DUS1L: variants seen among roughly 807,000 people sequenced by gnomAD.
DUS1L encodes dihydrouridine synthase 1 like.
A neutral mutation model predicts 61.2 loss-of-function variants in DUS1L; 56 were observed. The ratio of observed to expected loss-of-function variants is 0.92; its 90% CI spans 0.74 to 1.14. DUS1L has a LOEUF of 1.14. Ranked by LOEUF, DUS1L falls within the 50% of genes most tolerant of loss-of-function variation. The pLI, the probability that DUS1L is intolerant of heterozygous loss-of-function variation, is 0.00. For missense variants in DUS1L, 630 were observed against 632.4 expected (o/e 1.00, Z 0.04); for synonymous variants, 278 against 259.5 (o/e 1.07, Z -0.69).
chr17:82,060,345 C>T (rs1482246114), intron 10 of DUS1L: 11 of 595,840 alleles, frequency 1.8e-5, no homozygotes, highest in South Asian at 6.6e-5. Context: ...GCTGTGGCCA[C>T]GGATGGCCTC....
rs1442609133 is a variant in DUS1L at position 82,058,828 on chromosome 17, G to C, written c.1169-10C>G. 2 of 1,611,470 alleles carry C rather than the reference G, an allele frequency of 1.2e-6. No individual in the cohort carries two copies. The highest frequency in any genetic ancestry group is 1.7e-5 in the Admixed American group (1 of 60,024). The stretch of plus-strand genomic sequence containing the variant: ...CACTTTGCATATTTTGCTAGGAAAA[G>C]AACAAAAGGGTGCTGGTGAGTGAGG... On this transcript the variant is annotated splice_polypyrimidine_tract_variant and intron_variant, in intron 11 of 13. Transcript: ENST00000306796.
chr17:82,061,096 C>A, intron 8 of DUS1L, 113 bp downstream of exon 8: 1 of 1,541,952 alleles, frequency 6.5e-7, no homozygotes, highest in African/African-American at 1.4e-5. Flanking sequence ...CCCTCAAGAC[C>A]TGACTTAGCA....
chr17:82,060,532 G>A (rs2033431189), intron 10 of DUS1L, 169 bp downstream of exon 10: 11 of 803,524 alleles, frequency 1.4e-5, no homozygotes, highest in Admixed American at 2.8e-5. Flanking sequence ...CGAGGGGCAC[G>A]TGGAAGGTGT....
At chr17:82,058,601 C>T (rs2087198468) in intron 12 of DUS1L, 180 bp downstream of exon 12, 3 of 1,471,266 alleles carry the variant, frequency 2.0e-6, no homozygotes, top group Non-Finnish European at 2.7e-6. Context: ...TCTTCCCCTC[C>T]AGGCCTGGGC....
At chr17:82,060,632 G>A in intron 10 of DUS1L, 69 bp downstream of exon 10, 1 of 1,555,560 alleles carries the variant, frequency 6.4e-7, no homozygotes, top group Non-Finnish European at 8.7e-7. Context: ...GGCAGGCGCA[G>A]CACTGTGGGC....
chr17:82,058,405 A>C lies in DUS1L; in HGVS notation c.1218T>G (p.Cys406Trp). ...AGCAGCCGCGGCACAGGCTGAACACACATCTGTTGCCCTGGGCACAGGAAA... is the reference window on the plus strand; with the variant it reads ...AGCAGCCGCGGCACAGGCTGAACACCCATCTGTTGCCCTGGGCACAGGAAA... The part of the protein sequence containing the change: ...DQCGNPKGNR[C>W]VFSLCRGCCK... The change falls in exon 13 of 14, where the codon TGT becomes TGG. Residue 406 changes from cysteine to tryptophan, a missense_variant. By Grantham distance (215) the Cys-to-Trp change is radical. Coordinates refer to ENST00000306796, the MANE Select transcript of DUS1L (RefSeq NM_022156.5). The C allele has an allele frequency of 6.7e-7, 1 of 1,491,472 alleles. No homozygotes were observed. The highest frequency in any genetic ancestry group is 8.9e-7 in the Non-Finnish European group (1 of 1,118,830). 92.4% of individuals were successfully genotyped at this position (1,491,472 alleles called of 1,614,324 possible). A position where few individuals can be genotyped will look rare whatever the true frequency, so the allele number is the denominator to read the frequency against.
intron 5 of DUS1L, 127 bp from the exon 6 acceptor site, chr17:82,062,110 G>T: frequency 1.2e-6 from 1 of 811,194 alleles, no homozygotes; most frequent in Non-Finnish European, 1.9e-6. Flanking sequence ...TCCCAGCCCT[G>T]TGCCCCATGC....
rs1290648446 is a variant in DUS1L, at chr17:82,060,914, G to T, written c.890C>A (p.Thr297Asn). 2 of 1,611,288 alleles carry T rather than the reference G, an allele frequency of 1.2e-6. No homozygotes were observed. The highest frequency in any genetic ancestry group is 1.7e-5 in the Admixed American group (1 of 60,010). The change falls in exon 9 of 14, where the codon ACC becomes AAC. Residue 297 changes from threonine (T) to asparagine (N), a missense_variant. Physicochemically the swap from Thr to Asn is moderately conservative, Grantham distance 65 (BLOSUM62 0). Coordinates refer to ENST00000306796, the MANE Select transcript of DUS1L (RefSeq NM_022156.5). ...ELREELAKVKTLEGIAAVSQE... is the reference protein window; with the variant it reads ...ELREELAKVKNLEGIAAVSQE... The stretch of plus-strand genomic sequence containing the variant: ...GCTCACAGCAGCGATGCCCTCCAGG[G>T]TCTTCACCTTGGCCAGCTCCTCTCG...
At position 82,058,414 on chromosome 17, in the gene DUS1L, G is replaced by A. The variant is rs753464381; in HGVS notation, c.1209C>T (p.Gly403=). The change falls in exon 13 of 14, where the codon GGC becomes GGT. Residue 403 remains glycine, a splice_region_variant and synonymous_variant. Coordinates refer to ENST00000306796, the MANE Select transcript of DUS1L (RefSeq NM_022156.5). ...AKCDQCGNPK[G]NRCVFSLCRG... ...GGCACAGGCTGAACACACATCTGTT[G>A]CCCTGGGCACAGGAAATCTCGGGAG... 4.4e-5 allele frequency: 65 copies of A among 1,488,056 alleles called. No individual in the cohort carries two copies. The Admixed American group carries it at 5.4e-4, about 12-fold the overall frequency. 92.2% of individuals were successfully genotyped at this position (1,488,056 alleles called of 1,614,324 possible). A position where few individuals can be genotyped will look rare whatever the true frequency, so the allele number is the denominator to read the frequency against.
chr17:82,058,521 G>C (rs750451136), intron 12 of DUS1L, 105 bp from the exon 13 acceptor site: 1 of 1,465,158 alleles, frequency 6.8e-7, no homozygotes, highest in Admixed American at 2.4e-5. Context: ...AGATGCCCAC[G>C]GCCTGGATGC....
intron 8 of DUS1L, 55 bp downstream of exon 8, chr17:82,061,154 C>A: frequency 6.4e-7 from 1 of 1,557,842 alleles, no homozygotes; most frequent in South Asian, 1.2e-5. Flanking sequence ...TGGGGTCTGA[C>A]GGAATCTGCC....
At chr17:82,063,171 G>T in intron 4 of DUS1L, 198 bp from the exon 5 acceptor site, 1 of 636,158 alleles carries the variant, frequency 1.6e-6, no homozygotes, top group Non-Finnish European at 2.7e-6. Context: ...GCCCTCCGAA[G>T]TTCAAACAAG....
In DUS1L at chr17:82,057,606, C is replaced by T; in HGVS notation, c.*509G>A. 3.8e-6 allele frequency: 1 copy of T among 265,280 alleles called. No homozygotes were observed. The highest frequency in any genetic ancestry group is 7.5e-6 in the Non-Finnish European group (1 of 132,656). 16.4% of individuals were successfully genotyped at this position (265,280 alleles called of 1,614,324 possible). ...AAATGAGAAGCCTGGCCCTCAGATT[C>T]AACAGCCCCCAGCAGCAGCCACTGT... On this transcript the variant is annotated 3_prime_UTR_variant, in exon 14 of 14. Coordinates refer to ENST00000306796, the MANE Select transcript of DUS1L (RefSeq NM_022156.5).
Position 82,057,796 on chromosome 17 carries a change from G to T in DUS1L, c.*319C>A. On this transcript the variant is annotated 3_prime_UTR_variant, in exon 14 of 14. Coordinates refer to ENST00000306796, the MANE Select transcript of DUS1L (RefSeq NM_022156.5). The stretch of plus-strand genomic sequence containing the variant: ...TTTAGATGTATCCTGTTGTTCAGAA[G>T]CCCCCACTGGCCCCAACCGCACCTG... The T allele has an allele frequency of 3.9e-6, 1 of 258,542 alleles. No homozygotes were observed. The highest frequency in any genetic ancestry group is 7.4e-6 in the Non-Finnish European group (1 of 135,514). The allele number at this position is 258,542 out of a possible 1,614,324, so 16.0% of individuals were successfully genotyped here.
In DUS1L at chr17:82,062,843, C is replaced by T. The variant is rs760820386; in HGVS notation, c.510+18G>A. The T allele has an allele frequency of 1.0e-5, 16 of 1,603,764 alleles. No individual in the cohort carries two copies. Among genetic ancestry groups the T allele is most frequent in the South Asian group, 9.9e-5 (9 of 90,940 alleles). ...GCCCAGCTGAGGCCCATGACACCCC[C>T]GCGAGCCCAGGGCTCACCTGGCAGC... is the stretch of plus-strand genomic sequence containing the variant. On this transcript the variant is annotated intron_variant, in intron 5 of 13. Transcript: ENST00000306796.
In DUS1L at chr17:82,064,111, C is replaced by A. The variant is rs762537745; in HGVS notation, c.346+15G>T. On this transcript the variant is annotated intron_variant, in intron 3 of 13. Transcript: ENST00000306796. ...CCCCTGCCCCAGGTGCCCCCATGCT[C>A]CACATGGAGCTCACCTCTCTTGGCT... The A allele has an allele frequency of 1.9e-6, 3 of 1,608,348 alleles. No individual in the cohort carries two copies. Among genetic ancestry groups the A allele is most frequent in the Admixed American group, 3.3e-5 (2 of 59,750 alleles).
intron 12 of DUS1L, 130 bp from the exon 13 acceptor site, chr17:82,058,546 C>T (rs2033205987): frequency 6.9e-7 from 1 of 1,458,760 alleles, no homozygotes. Context: ...CTGGGAACTG[C>T]TCCCAAGCCA....
At position 82,061,319 on chromosome 17, in the gene DUS1L, G is replaced by A; in HGVS notation, c.732C>T (p.Gly244=). ...CCAGCTCCCACACGGCAGGGCTCCG[G>A]CCCTCGAACAGGGCGGGGTTGTGCA... The part of the protein sequence containing the change: ...GNLHNPALFE[G]RSPAVWELAE... The change falls in exon 8 of 14, where the codon GGC becomes GGT. Residue 244 remains glycine, a synonymous_variant. Coordinates refer to ENST00000306796, the MANE Select transcript of DUS1L (RefSeq NM_022156.5). The A allele has an allele frequency of 6.2e-7, 1 of 1,608,694 alleles. No individual in the cohort carries two copies. The highest frequency in any genetic ancestry group is 8.5e-7 in the Non-Finnish European group (1 of 1,177,524).
chr17:82,062,385 C>A (rs2033551345), intron 5 of DUS1L, among the ~76,000 whole-genome samples: 2 of 152,214 alleles, frequency 1.3e-5, no homozygotes, highest in South Asian at 4.1e-4. Flanking sequence ...AAGCTCATCC[C>A]CGGGTCACCA....
Sources: gnomAD v4.1 joint callset for allele counts (sites outside exome capture counted in the v4.1 genomes callset) on GRCh38, gnomAD v4.1.1 for gene constraint, MANE v1.5 for transcripts, NCBI Gene and HGNC (gene_info 2026-07-23, HGNC 2026-07-21) for gene names.